The following AKAP6 variants were observed in gnomAD, a reference collection of about 807,000 sequenced individuals.
AKAP6 encodes A-kinase anchoring protein 6.
A neutral mutation model predicts 188.5 loss-of-function variants in AKAP6; 58 were observed. The ratio of observed to expected loss-of-function variants is 0.31; its 90% CI spans 0.25 to 0.38. AKAP6 has a LOEUF of 0.38. Among genes scored for constraint, AKAP6 ranks in the 10% least tolerant of loss-of-function variants. The pLI is 1.00. For synonymous variants in AKAP6, 989 were observed against 998.6 expected (o/e 0.99, Z 0.18); for missense variants, 2,710 against 2,740.0 (o/e 0.99, Z 0.24).
chr14:32,674,242 C>T (rs756530522), intron 7 of AKAP6, among the ~76,000 whole-genome samples: 14 of 152,166 alleles, frequency 9.2e-5, no homozygotes, highest in Non-Finnish European at 1.0e-4. Flanking sequence ...CTAAGGTCAG[C>T]AGGAACCAAA....
At chr14:32,757,313 C>T (rs1183898863) in intron 11 of AKAP6, among the ~76,000 whole-genome samples, 1 of 152,194 alleles carries the variant, frequency 6.6e-6, no homozygotes, top group East Asian at 1.9e-4. Flanking sequence ...TCCTATTTTG[C>T]CATCTTGCTG....
intron 1 of AKAP6, among the ~76,000 whole-genome samples, chr14:32,332,166 A>G (rs1238501651): frequency 6.6e-6 from 1 of 152,088 alleles, no homozygotes; most frequent in Non-Finnish European, 1.5e-5. Context: ...GGCTAAGGTT[A>G]TGTAGTTAAT....
chr14:32,463,889 C>T (rs552253862), intron 2 of AKAP6, among the ~76,000 whole-genome samples: 3 of 152,132 alleles, frequency 2.0e-5, no homozygotes, highest in East Asian at 1.9e-4. Context: ...CAAATAGACA[C>T]AATAAAAAAT....
At chr14:32,817,491 TTGTGTGTG>T (rs3033323) in intron 12 of AKAP6, among the ~76,000 whole-genome samples, 40 of 145,434 alleles carry the variant, frequency 2.8e-4, no homozygotes, top group South Asian at 1.9e-3. Flanking sequence ...GTGTCTGTGT[TTGTGTGTG>T]TGTGTGTGTG....
At chr14:32,682,591 AG>A (rs1249135044) in intron 8 of AKAP6, among the ~76,000 whole-genome samples, 1 of 152,172 alleles carries the variant, frequency 6.6e-6, no homozygotes, top group Non-Finnish European at 1.5e-5. Flanking sequence ...TTGAAGTTAG[AG>A]GAGGTGTGGA....
chr14:32,831,462 A>G lies in AKAP6; in HGVS notation c.*1657A>G, dbSNP rs1330534881. 1 of 152,228 alleles carries G rather than the reference A, an allele frequency of 6.6e-6. No homozygotes were observed. The highest frequency in any genetic ancestry group is 6.5e-5 in the Admixed American group (1 of 15,278). The allele number at this position is 152,228 out of a possible 1,614,324, so 9.4% of individuals were successfully genotyped here. ...AAGTCACAATAGATAATATATATCA[A>G]ATTTCTAAAAGGTAAAGAATGTTGT... On this transcript the variant is annotated 3_prime_UTR_variant, in exon 14 of 14. Transcript: ENST00000280979.
intron 7 of AKAP6, among the ~76,000 whole-genome samples, chr14:32,660,924 A>AC (rs1240351554): frequency 0.025 from 1,004 of 40,926 alleles, 25 homozygotes; most frequent in East Asian, 0.044. Context: ...CTTCCCCGCC[A>AC]CCCCCCCCCC....
At chr14:32,557,228 A>G (rs1454204660) in intron 4 of AKAP6, among the ~76,000 whole-genome samples, 2 of 152,162 alleles carry the variant, frequency 1.3e-5, no homozygotes, top group Non-Finnish European at 2.9e-5. Context: ...CTGGGACTAC[A>G]GGTACACACC....
chr14:32,463,016 A>G (rs948085012), intron 2 of AKAP6, among the ~76,000 whole-genome samples: 1 of 151,490 alleles, frequency 6.6e-6, no homozygotes, highest in Non-Finnish European at 1.5e-5. Context: ...GGCATTACAT[A>G]ATGGTAAAGG....
At chr14:32,726,078 G>T (rs896661215) in intron 9 of AKAP6, 21 of 535,946 alleles carry the variant, frequency 3.9e-5, no homozygotes, top group Non-Finnish European at 5.0e-5. Flanking sequence ...CAGTCATTTT[G>T]GCAATTTCCA....
intron 12 of AKAP6, among the ~76,000 whole-genome samples, chr14:32,793,770 T>C (rs7148303): frequency 0.49 from 74,496 of 151,726 alleles, 18,465 homozygotes; most frequent in African/African-American, 0.5. Context: ...GGGCATTAAA[T>C]AATGGTAAAG....
intron 2 of AKAP6, among the ~76,000 whole-genome samples, chr14:32,450,077 T>C (rs1269619003): frequency 6.6e-6 from 1 of 152,240 alleles, no homozygotes; most frequent in Non-Finnish European, 1.5e-5. Context: ...GTTCTGCTCC[T>C]GTTTCTGCTA....
At chr14:32,518,174 A>G (rs1436442695) in intron 2 of AKAP6, among the ~76,000 whole-genome samples, 1 of 152,208 alleles carries the variant, frequency 6.6e-6, no homozygotes, top group Non-Finnish European at 1.5e-5. Flanking sequence ...GGACATCTAC[A>G]CCAAAACCCC....
At chr14:32,652,793 G>A (rs757795099) in intron 7 of AKAP6, among the ~76,000 whole-genome samples, 81 of 152,184 alleles carry the variant, frequency 5.3e-4, no homozygotes, top group Non-Finnish European at 8.8e-4. Context: ...TGGCTCATGC[G>A]TATAATCCCA....
intron 11 of AKAP6, among the ~76,000 whole-genome samples, chr14:32,754,053 T>C (rs1368154501): frequency 6.6e-6 from 1 of 152,120 alleles, no homozygotes; most frequent in Non-Finnish European, 1.5e-5. Flanking sequence ...TTTCTATTTC[T>C]ATAGAAAAAG....
intron 10 of AKAP6, chr14:32,734,183 AC>A (rs1320500146): frequency 6.6e-6 from 1 of 152,122 alleles, no homozygotes; most frequent in African/African-American, 2.4e-5. Flanking sequence ...CACTAACACC[AC>A]CAGGCATACT....
chr14:32,714,435 AT>A (rs1186781723), intron 9 of AKAP6, among the ~76,000 whole-genome samples: 3 of 151,848 alleles, frequency 2.0e-5, no homozygotes, highest in South Asian at 2.1e-4. Flanking sequence ...GTATGCCTGT[AT>A]TTTTTTTAAA....
chr14:32,583,383 G>A (rs1469258088), intron 5 of AKAP6, among the ~76,000 whole-genome samples: 1 of 152,208 alleles, frequency 6.6e-6, no homozygotes, highest in African/African-American at 2.4e-5. Flanking sequence ...GCCGTGTGAG[G>A]TGTCAGTCTG....
Position 32,824,337 on chromosome 14 carries a change from C to T in AKAP6, c.6524C>T (p.Pro2175Leu), listed in dbSNP as rs1566740457. 4.3e-6 allele frequency: 7 copies of T among 1,613,744 alleles called. No individual in the cohort carries two copies. Among genetic ancestry groups the T allele is most frequent in the African/African-American group, 1.3e-5 (1 of 74,914 alleles). Residue 2175 changes from proline to leucine, a missense_variant, in exon 13 of 14, where the codon CCT becomes CTT. Physicochemically the swap from Pro to Leu is moderately conservative, Grantham distance 98 (BLOSUM62 -3). Coordinates refer to ENST00000280979, the MANE Select transcript of AKAP6 (RefSeq NM_004274.5). Reference protein sequence around the residue: ...DGEEPCFSSAPPNESAVPSEA... With the variant: ...DGEEPCFSSALPNESAVPSEA... The stretch of plus-strand genomic sequence containing the variant: ...GAGGAGCCTTGTTTCTCTAGTGCTC[C>T]TCCAAATGAATCTGCAGTTCCCAGC...
Sources: allele counts gnomAD v4.1 joint callset (sites outside exome capture counted in the v4.1 genomes callset), GRCh38; gene constraint gnomAD v4.1.1; transcripts MANE v1.5; gene names NCBI Gene and HGNC (gene_info 2026-07-23, HGNC 2026-07-21).